The following PCDHA12 variants were observed in gnomAD, a reference collection of about 807,000 sequenced individuals.
PCDHA12 encodes protocadherin alpha-12.
PCDHA12 carries 44 observed loss-of-function variants against 60.0 expected under a neutral mutation model. The observed-to-expected ratio is 0.73, with a 90% CI of 0.58 to 0.94. The LOEUF (loss-of-function observed/expected upper bound fraction) is 0.94, where lower values mean the gene tolerates loss of function less well. Ranked by LOEUF, PCDHA12 falls within the 40% of genes least tolerant of loss-of-function variation. PCDHA12 has a pLI of 0.00. For missense variants in PCDHA12, 1,276 were observed against 1,239.7 expected (o/e 1.03, Z -0.44); for synonymous variants, 569 against 553.0 (o/e 1.03, Z -0.40).
Position 140,895,899 on chromosome 5 carries a change from C to T in PCDHA12, c.2367+18060C>T, listed in dbSNP as rs181661173. Among the ~76,000 whole-genome samples, 21 of 152,308 alleles carry T rather than the reference C, an allele frequency of 1.4e-4. No homozygotes were observed. The East Asian group carries it at 2.5e-3, about 18-fold the overall frequency. ...CGATCTCGGCTCACTGCAACCTCCGCGTCCCGGGCTCAACAATTATCCTGC... is the reference window on the plus strand; with the variant it reads ...CGATCTCGGCTCACTGCAACCTCCGTGTCCCGGGCTCAACAATTATCCTGC... On this transcript the variant is annotated intron_variant, in intron 1 of 3. Transcript: ENST00000398631.
At chr5:141,003,515 G>T (rs1402480495) in intron 3 of PCDHA12, among the ~76,000 whole-genome samples, 1 of 152,114 alleles carries the variant, frequency 6.6e-6, no homozygotes, top group African/African-American at 2.4e-5. Context: ...GTTTCACCAT[G>T]TTCCCTAGGC....
At chr5:141,006,119 T>C (rs1327328997) in intron 3 of PCDHA12, among the ~76,000 whole-genome samples, 14 of 152,070 alleles carry the variant, frequency 9.2e-5, no homozygotes, top group South Asian at 4.2e-4. Context: ...TTTTTTTTTT[T>C]CTCAAGGCAG....
At chr5:140,938,218 T>C (rs1050033125) in intron 1 of PCDHA12, among the ~76,000 whole-genome samples, 1 of 152,210 alleles carries the variant, frequency 6.6e-6, no homozygotes, top group Admixed American at 6.5e-5. Flanking sequence ...AGTGCTGGGA[T>C]TACAGGCATA....
intron 1 of PCDHA12, among the ~76,000 whole-genome samples, chr5:140,933,965 T>A (rs1400091615): frequency 2.6e-5 from 4 of 152,064 alleles, no homozygotes; most frequent in Non-Finnish European, 5.9e-5. Flanking sequence ...GTAGTGATGT[T>A]TCCCTTTTCA....
At chr5:140,880,493 T>C (rs910431574) in intron 1 of PCDHA12, among the ~76,000 whole-genome samples, 31 of 152,204 alleles carry the variant, frequency 2.0e-4, no homozygotes, top group African/African-American at 7.2e-4. Context: ...AAGAGAGCAA[T>C]TGAATTTCTG....
chr5:140,875,896 G>C lies in PCDHA12; in HGVS notation c.424G>C (p.Val142Leu), dbSNP rs1183868015. 6.2e-7 allele frequency: 1 copy of C among 1,614,078 alleles called. No homozygotes were observed. Among genetic ancestry groups the C allele is most frequent in the African/African-American group, 1.3e-5 (1 of 74,924 alleles). ...CAGAGAAAGGGAACAAAAGGTACCT[G>C]TTTCTGAATCTGCGCCTCTGGACTC... ...VFREREQKVP[V>L]SESAPLDSHF... The change falls in exon 1 of 4, where the codon GTT (valine) becomes CTT (leucine). Residue 142 changes from valine (V) to leucine (L), a missense_variant. Val to Leu is a conservative substitution (Grantham distance 32). Transcript: ENST00000398631.
At chr5:140,941,214 C>CTTCCTTTCTTTCTTT (rs1554214039) in intron 1 of PCDHA12, among the ~76,000 whole-genome samples, 1 of 122,414 alleles carries the variant, frequency 8.2e-6, no homozygotes, top group Non-Finnish European at 1.7e-5. Context: ...TTTCTTTCTT[C>CTTCCTTTCTTTCTTT]CTTTCTTTCT....
intron 1 of PCDHA12, among the ~76,000 whole-genome samples, chr5:140,959,857 T>G (rs1287315295): frequency 1.3e-5 from 2 of 152,204 alleles, no homozygotes; most frequent in African/African-American, 2.4e-5. Flanking sequence ...AAAGGAATTA[T>G]GTAGCAAAAT....
intron 1 of PCDHA12, chr5:140,927,906 CG>C: frequency 6.2e-7 from 1 of 1,614,180 alleles, no homozygotes. Context: ...ATCATGCCCC[CG>C]AACTGGACTT....
Position 140,882,483 on chromosome 5 carries a change from G to C in PCDHA12, c.2367+4644G>C. ...TTCCGGGTGGCGTCCAAAAGACACG[G>C]GGACCTTCTGGAGGTAAATCTGCAG... On this transcript the variant is annotated intron_variant, in intron 1 of 3. Coordinates refer to ENST00000398631, the MANE Select transcript of PCDHA12 (RefSeq NM_018903.4). 2 of 1,614,080 alleles carry C rather than the reference G, an allele frequency of 1.2e-6. No individual in the cohort carries two copies. Among genetic ancestry groups the C allele is most frequent in the Non-Finnish European group, 1.7e-6 (2 of 1,180,052 alleles).
chr5:140,994,258 G>A (rs2097608740), intron 3 of PCDHA12, among the ~76,000 whole-genome samples: 1 of 152,122 alleles, frequency 6.6e-6, no homozygotes, highest in Admixed American at 6.5e-5. Flanking sequence ...GGTAAATAAG[G>A]TAAGCTAGGC....
rs149711844 is a variant in PCDHA12 at position 140,884,286 on chromosome 5, G to T, written c.2367+6447G>T. On this transcript the variant is annotated intron_variant, in intron 1 of 3. Coordinates refer to ENST00000398631, the MANE Select transcript of PCDHA12 (RefSeq NM_018903.4). ...GTGCTGTTGTCGCTGGTGGAGAGCG[G>T]CCAAGCGCCACAGGCTTCGTCGAGG... 1.6e-4 allele frequency: 258 copies of T among 1,613,626 alleles called. No individual in the cohort carries two copies. The highest frequency in any genetic ancestry group is 2.1e-4 in the Non-Finnish European group (242 of 1,179,820).
intron 1 of PCDHA12, among the ~76,000 whole-genome samples, chr5:140,907,240 A>G (rs563432322): frequency 5.3e-5 from 8 of 152,310 alleles, no homozygotes; most frequent in Admixed American, 5.2e-4. Context: ...CCTAGTTGAC[A>G]TTGTAATTGT....
At chr5:140,948,563 AT>A (rs1400147953) in intron 1 of PCDHA12, among the ~76,000 whole-genome samples, 1 of 151,546 alleles carries the variant, frequency 6.6e-6, no homozygotes, top group East Asian at 1.9e-4. Context: ...GTTAAGTTGT[AT>A]TTTTTAAAGG....
At chr5:140,905,621 T>C (rs1180191773) in intron 1 of PCDHA12, among the ~76,000 whole-genome samples, 1 of 152,224 alleles carries the variant, frequency 6.6e-6, no homozygotes, top group Non-Finnish European at 1.5e-5. Flanking sequence ...TAGATTGCTT[T>C]TGACAGTATG....
rs782096178 is a variant in PCDHA12 at position 140,876,689 on chromosome 5, CGTT to C, written c.1219_1221del (p.Leu407del). The C allele has an allele frequency of 6.2e-6, 10 of 1,614,110 alleles. No homozygotes were observed. The East Asian group carries it at 1.6e-4, about 25-fold the overall frequency. On this transcript the variant is annotated inframe_deletion, in exon 1 of 4. Coordinates refer to ENST00000398631, the MANE Select transcript of PCDHA12 (RefSeq NM_018903.4). ...GTGTCCACCTACAAGAATTACTACT[CGTT>C]GGTGCTGGACAGCGCCCTGGACCGC...
chr5:140,966,374 C>G (rs2095995934), intron 1 of PCDHA12: 1 of 405,056 alleles, frequency 2.5e-6, no homozygotes, highest in South Asian at 1.3e-4. Flanking sequence ...GCTGAGCAGT[C>G]CGGGTTCGCT....
intron 2 of PCDHA12, among the ~76,000 whole-genome samples, chr5:140,981,563 G>A (rs2096938689): frequency 6.6e-6 from 1 of 152,110 alleles, no homozygotes; most frequent in African/African-American, 2.4e-5. Flanking sequence ...GACAGAGTGA[G>A]GCTTTGTCTC....
chr5:140,957,416 A>T (rs1456143168), intron 1 of PCDHA12, among the ~76,000 whole-genome samples: 2 of 152,144 alleles, frequency 1.3e-5, no homozygotes, highest in East Asian at 1.9e-4. Flanking sequence ...TATTGTTGTT[A>T]ATCTTTTACT....
Sources: gnomAD v4.1 joint callset for allele counts (sites outside exome capture counted in the v4.1 genomes callset) on GRCh38, gnomAD v4.1.1 for gene constraint, MANE v1.5 for transcripts, NCBI Gene and HGNC (gene_info 2026-07-23, HGNC 2026-07-21) for gene names.